BRF1: variants seen among roughly 807,000 people sequenced by gnomAD.
BRF1 encodes the protein transcription factor IIIB 90 kDa subunit.
BRF1 carries 59 observed loss-of-function variants against 81.7 expected under a neutral mutation model. The observed-to-expected ratio is 0.72, with a 90% CI of 0.59 to 0.90. The LOEUF (loss-of-function observed/expected upper bound fraction) is 0.90, where lower values mean the gene tolerates loss of function less well. Among genes scored for constraint, BRF1 ranks in the 40% least tolerant of loss-of-function variants. The pLI is 0.00. For synonymous variants in BRF1, 491 were observed against 395.6 expected (o/e 1.24, Z -2.86); for missense variants, 1,050 against 936.3 (o/e 1.12, Z -1.58).
intron 5 of BRF1, chr14:105,242,584 A>G (rs924237659): frequency 3.3e-5 from 5 of 151,668 alleles, no homozygotes; most frequent in African/African-American, 1.2e-4. Context: ...AAAAATACAA[A>G]ATTTGCAGGG....
intron 12 of BRF1, chr14:105,219,727 T>C: frequency 2.2e-6 from 1 of 451,192 alleles, no homozygotes; most frequent in Non-Finnish European, 4.1e-6. Context: ...GCACAGCGCA[T>C]GTGGAGTCAG....
At chr14:105,289,863 C>T (rs1022432181) in intron 1 of BRF1, among the ~76,000 whole-genome samples, 1 of 151,904 alleles carries the variant, frequency 6.6e-6, no homozygotes, top group East Asian at 2.0e-4. Flanking sequence ...CTTGAATTCC[C>T]GACCTCAAGT....
chr14:105,248,601 CG>C (rs1446040131), intron 5 of BRF1: 1 of 961,536 alleles, frequency 1.0e-6, no homozygotes, highest in Non-Finnish European at 1.2e-6. Flanking sequence ...CGGCGCCCCC[CG>C]CGGCCGGGCC....
At chr14:105,246,156 C>T (rs2816652) in intron 5 of BRF1, among the ~76,000 whole-genome samples, 34,015 of 151,800 alleles carry the variant, frequency 0.22, 4,207 homozygotes, top group Middle Eastern at 0.27. Flanking sequence ...ACCTGGAAGG[C>T]GGATGTTGCA....
rs1355220625 is a variant in BRF1 at position 105,309,744 on chromosome 14, G to GC, written c.-162+5577dup. Among the ~76,000 whole-genome samples, 1 of 145,888 alleles carries GC rather than the reference G, an allele frequency of 6.9e-6. No homozygotes were observed. The highest frequency in any genetic ancestry group is 1.5e-5 in the Non-Finnish European group (1 of 66,626). On this transcript the variant is annotated intron_variant, in intron 1 of 17. Transcript: ENST00000327359. The surrounding 1 kb of genome is among the most constrained non-coding windows in gnomAD (Gnocchi z 4.0). ...TTAGGTCTGTATTAGGTCTAGATTA[G>GC]CCTGCATTAAGGAGAAGGTGGTGAT...
chr14:105,216,564 T>G (rs1436907326), intron 15 of BRF1, among the ~76,000 whole-genome samples: 2 of 152,036 alleles, frequency 1.3e-5, no homozygotes, highest in African/African-American at 4.8e-5. Context: ...TCAGGCTCCC[T>G]CACAGAGTAG....
At chr14:105,264,947 C>T (rs1255911662) in intron 3 of BRF1, among the ~76,000 whole-genome samples, 3 of 151,700 alleles carry the variant, frequency 2.0e-5, no homozygotes, top group African/African-American at 4.8e-5. Context: ...AGTCCCAGAA[C>T]AGGAAGAGAG....
chr14:105,210,507 C>T lies in BRF1; in HGVS notation c.*44G>A, dbSNP rs753267124. ...AAGCCCGTCTGATGCTGAGGAGACC[C>T]GCGAGGCCCCCTGCCAGGACATCAC... On this transcript the variant is annotated 3_prime_UTR_variant, in exon 18 of 18. Transcript: ENST00000547530. The surrounding 1 kb of genome is among the most constrained non-coding windows in gnomAD (Gnocchi z 4.7). The T allele has an allele frequency of 8.1e-6, 13 of 1,604,688 alleles. No individual in the cohort carries two copies. The highest frequency in any genetic ancestry group is 1.7e-4 in the Middle Eastern group (1 of 6,056).
chr14:105,229,739 TG>T (rs1322598512), intron 6 of BRF1, among the ~76,000 whole-genome samples: 1 of 22,600 alleles, frequency 4.4e-5, no homozygotes, highest in Non-Finnish European at 9.5e-5. Context: ...GTCGCCCAGC[TG>T]GGGGCGGGGG....
At chr14:105,254,634 TCA>T (rs2055777368) in intron 4 of BRF1, among the ~76,000 whole-genome samples, 1 of 152,098 alleles carries the variant, frequency 6.6e-6, no homozygotes, top group Non-Finnish European at 1.5e-5. Flanking sequence ...CAATCGTGAC[TCA>T]CTGCAACCTC....
Position 105,272,784 on chromosome 14 carries a change from G to A in BRF1, c.376C>T (p.Arg126Trp), listed in dbSNP as rs1364184603. Residue 126 changes from arginine to tryptophan, a missense_variant, in exon 3 of 18, where the codon CGG (arginine) becomes TGG (tryptophan). Around this residue, in one of 2 missense-constraint regions of BRF1, gnomAD observed 1,043 missense variants for 915.4 expected, o/e 1.14. Transcript: ENST00000547530. ...MAVSRHLTRG[R>W]KMAHVIAACL... ...GCAGCAATCACGTGGGCCATCTTCCGGCCGCGGGTCAGGTGCCTGCTCACG... is the reference window on the plus strand; with the variant it reads ...GCAGCAATCACGTGGGCCATCTTCCAGCCGCGGGTCAGGTGCCTGCTCACG... 9.3e-6 allele frequency: 15 copies of A among 1,613,822 alleles called. No homozygotes were observed. Among genetic ancestry groups the A allele is most frequent in the South Asian group, 2.2e-5 (2 of 91,094 alleles).
At chr14:105,314,999 C>G in intron 1 of BRF1, 5 of 1,255,508 alleles carry the variant, frequency 4.0e-6, no homozygotes, top group South Asian at 1.6e-5. Flanking sequence ...TGTTCGCCAC[C>G]TGGGAGGTGG....
chr14:105,261,861 C>T (rs1455099458), intron 3 of BRF1, among the ~76,000 whole-genome samples: 1 of 152,242 alleles, frequency 6.6e-6, no homozygotes, highest in Non-Finnish European at 1.5e-5. Flanking sequence ...AAACCCACAC[C>T]TTCTGGAGAA....
chr14:105,282,144 C>T (rs2057132256), intron 2 of BRF1, among the ~76,000 whole-genome samples: 1 of 152,164 alleles, frequency 6.6e-6, no homozygotes, highest in Non-Finnish European at 1.5e-5. Context: ...GCAGATGCTC[C>T]CCACATTCCA....
intron 4 of BRF1, chr14:105,256,192 CA>C: frequency 6.5e-7 from 1 of 1,530,938 alleles, no homozygotes. Flanking sequence ...TAGGTACTCA[CA>C]AAAAAATTTT....
chr14:105,311,814 T>G (rs1453025391), intron 1 of BRF1, among the ~76,000 whole-genome samples: 1 of 152,226 alleles, frequency 6.6e-6, no homozygotes, highest in Non-Finnish European at 1.5e-5. Context: ...AGGAGGGCCC[T>G]GCTGTACCTT....
At chr14:105,274,395 C>T (rs1257102345) in intron 2 of BRF1, among the ~76,000 whole-genome samples, 1 of 152,198 alleles carries the variant, frequency 6.6e-6, no homozygotes, top group Non-Finnish European at 1.5e-5. Context: ...TACTTTGTCT[C>T]TGTGTCATTT....
chr14:105,292,781 T>TTCCCATGCGCACACCCC (rs2140515312), intron 1 of BRF1, among the ~76,000 whole-genome samples: 1 of 151,554 alleles, frequency 6.6e-6, no homozygotes, highest in East Asian at 2.0e-4. Context: ...GCGCAGACCC[T>TTCCCATGCGCACACCCC]TCCCATGCGC....
chr14:105,250,771 C>T (rs901156745), intron 5 of BRF1: 20 of 1,249,694 alleles, frequency 1.6e-5, no homozygotes, highest in Admixed American at 7.5e-5. Context: ...TTAACTTTGT[C>T]TCTCTTTGAC....
Sources: gnomAD v4.1 joint callset for allele counts (sites outside exome capture counted in the v4.1 genomes callset) on GRCh38, gnomAD v4.1.1 for gene constraint, gnomAD v4.1.1 regional missense constraint, Gnocchi (gnomAD v3.1) non-coding constraint, MANE v1.5 for transcripts, NCBI Gene and HGNC (gene_info 2026-07-23, HGNC 2026-07-21) for gene names.